The following GRPR variants were observed in gnomAD, a reference collection of about 807,000 sequenced individuals.
GRPR encodes the protein gastrin releasing peptide receptor.
Under a neutral mutation model 15.6 loss-of-function variants are expected in GRPR, and 4 were observed. The ratio of observed to expected loss-of-function variants is 0.26; its 90% CI spans 0.13 to 0.59. The LOEUF (loss-of-function observed/expected upper bound fraction) is 0.59. Among genes scored for constraint, GRPR ranks in the 20% least tolerant of loss-of-function variants. GRPR has a pLI of 0.90. For synonymous variants in GRPR, 128 were observed against 126.8 expected, an observed-to-expected ratio of 1.01 and a Z score of -0.06; for missense variants, 270 against 304.1, an observed-to-expected ratio of 0.89 and a Z score of 0.83.
At chrX:16,147,243 T>C (rs1402998913) in intron 1 of GRPR, among the ~76,000 whole-genome samples, 1 of 112,104 alleles carries the variant, frequency 8.9e-6, no homozygotes, top group East Asian at 2.8e-4. Context: ...CAAGGTCTTT[T>C]AAGAAACACA....
chrX:16,124,665 C>T (rs905311058), intron 1 of GRPR, among the ~76,000 whole-genome samples: 2 of 111,964 alleles, frequency 1.8e-5, no homozygotes, highest in Non-Finnish European at 3.8e-5. Context: ...CCTAACTTCT[C>T]CCTCCTTGCA....
intron 1 of GRPR, among the ~76,000 whole-genome samples, chrX:16,143,722 G>T (rs953455638): frequency 1.8e-5 from 2 of 112,276 alleles, no homozygotes; most frequent in Non-Finnish European, 3.8e-5. Flanking sequence ...AAAGCTTGAG[G>T]CTAAGAATTG....
At position 16,152,822 on chromosome X, in the gene GRPR, C is replaced by A. The variant is rs1462045514; in HGVS notation, c.*177C>A. ...ACCATTATATTTTGAAAGAAGCCAT[C>A]AAGTCTTAAGTTTTTCATTTCAACT... On this transcript the variant is annotated 3_prime_UTR_variant, in exon 3 of 3. Coordinates refer to ENST00000380289, the MANE Select transcript of GRPR (RefSeq NM_005314.3). The A allele has an allele frequency of 2.2e-6, 1 of 461,758 alleles. No individual in the cohort carries two copies. The highest frequency in any genetic ancestry group is 3.4e-5 in the Admixed American group (1 of 29,310). The allele number at this position is 461,758 out of a possible 1,213,427, so 38.1% of individuals were successfully genotyped here.
chrX:16,152,417 C>T lies in GRPR; in HGVS notation c.927C>T (p.Leu309=). The change falls in exon 3 of 3, where the codon CTC becomes CTT. Residue 309 remains leucine, a synonymous_variant. Transcript: ENST00000380289. The part of the protein sequence containing the change: ...LHFVTSICAR[L]LAFTNSCVNP... ...TTGTCACCAGCATCTGTGCCCGCCT[C>T]CTGGCCTTCACCAACTCCTGCGTGA... The T allele has an allele frequency of 8.3e-7, 1 of 1,210,961 alleles. No homozygotes were observed. Among genetic ancestry groups the T allele is most frequent in the East Asian group, 3.0e-5 (1 of 33,842 alleles).
At chrX:16,152,170 T>TTCTCTGCCTGAATCTTTGTC in intron 2 of GRPR, 86 bp from the exon 3 acceptor site, 1 of 858,201 alleles carries the variant, frequency 1.2e-6, no homozygotes, top group Non-Finnish European at 1.7e-6. Flanking sequence ...CCCTTTCTCT[T>TTCTCTGCCTGAATCTTTGTC]TCTCTGCCTG....
intron 1 of GRPR, among the ~76,000 whole-genome samples, chrX:16,135,757 A>G (rs1184943923): frequency 4.4e-5 from 5 of 112,511 alleles, no homozygotes; most frequent in African/African-American, 1.6e-4. Flanking sequence ...AAATCACAGT[A>G]GTTACCCCAT....
In GRPR at chrX:16,152,265, C is replaced by T. The variant is rs369596243; in HGVS notation, c.775C>T (p.Arg259Trp). The change falls in exon 3 of 3, where the codon CGG becomes TGG. Residue 259 changes from arginine (R) to tryptophan (W), a missense_variant. This residue lies in a region of GRPR where 133 missense variants were observed against 123.4 expected (regional missense o/e 1.08). Transcript: ENST00000380289. ...GTGATTCTCTCCTTAGATTGAATCC[C>T]GGAAGCGACTTGCCAAGACAGTGCT... ...NIHVKKQIES[R>W]KRLAKTVLVF... 1.1e-5 allele frequency: 13 copies of T among 1,205,424 alleles called. No individual in the cohort carries two copies. Among genetic ancestry groups the T allele is most frequent in the Admixed American group, 4.4e-5 (2 of 45,671 alleles).
chrX:16,130,029 G>A (rs919489157), intron 1 of GRPR, among the ~76,000 whole-genome samples: 3 of 111,499 alleles, frequency 2.7e-5, no homozygotes, highest in African/African-American at 6.5e-5. Context: ...TCCTTCAAGG[G>A]ATAGTTCAAG....
At chrX:16,125,596 CT>C (rs1380538598) in intron 1 of GRPR, among the ~76,000 whole-genome samples, 1 of 112,234 alleles carries the variant, frequency 8.9e-6, no homozygotes, top group Non-Finnish European at 1.9e-5. Context: ...GGTGATCTGG[CT>C]TTGTTGAGTA....
At chrX:16,148,997 G>C (rs191851691) in intron 1 of GRPR, among the ~76,000 whole-genome samples, 37 of 112,000 alleles carry the variant, frequency 3.3e-4, no homozygotes, top group Non-Finnish European at 6.2e-4. Context: ...GGTGGTTCCT[G>C]CCCAGTGACT....
At position 16,153,446 on chromosome X, in the gene GRPR, C is replaced by T. The variant is rs980546739; in HGVS notation, c.*801C>T. On this transcript the variant is annotated 3_prime_UTR_variant, in exon 3 of 3. Coordinates refer to ENST00000380289, the MANE Select transcript of GRPR (RefSeq NM_005314.3). Reference sequence around the variant, plus strand: ...GTTTTAATCATCCAGGGTGCCATTCCACCATAGAAGAGCAATCCTTTTAGG... The same window carrying T: ...GTTTTAATCATCCAGGGTGCCATTCTACCATAGAAGAGCAATCCTTTTAGG... 1 of 97,324 alleles carries T rather than the reference C, an allele frequency of 1.0e-5. No individual in the cohort carries two copies. Among genetic ancestry groups the T allele is most frequent in the Non-Finnish European group, 2.0e-5 (1 of 48,989 alleles). 8.0% of individuals were successfully genotyped at this position (97,324 alleles called of 1,213,427 possible).
At chrX:16,148,127 T>G (rs938249676) in intron 1 of GRPR, among the ~76,000 whole-genome samples, 3 of 111,839 alleles carry the variant, frequency 2.7e-5, no homozygotes, top group African/African-American at 9.7e-5. Context: ...TCTGGAATTT[T>G]GGGGTTTGGG....
In GRPR at chrX:16,152,326, C is replaced by T; in HGVS notation, c.836C>T (p.Pro279Leu). Residue 279 changes from proline (P) to leucine (L), a missense_variant, in exon 3 of 3, where the codon CCC (proline) becomes CTC (leucine). Physicochemically the swap from Pro to Leu is moderately conservative, Grantham distance 98. Coordinates refer to ENST00000380289, the MANE Select transcript of GRPR (RefSeq NM_005314.3). The part of the protein sequence containing the change: ...FVGLFAFCWL[P>L]NHVIYLYRSY... ...GGCCTGTTCGCCTTCTGCTGGCTCC[C>T]CAATCATGTCATCTACCTGTACCGC... 1.7e-6 allele frequency: 2 copies of T among 1,206,507 alleles called. No individual in the cohort carries two copies. The highest frequency in any genetic ancestry group is 1.8e-5 in the South Asian group (1 of 56,828).
intron 1 of GRPR, among the ~76,000 whole-genome samples, chrX:16,125,835 C>T (rs1469444417): frequency 1.8e-5 from 2 of 111,520 alleles, no homozygotes; most frequent in African/African-American, 6.5e-5. Context: ...TGACCACAGA[C>T]AGTTTCATGT....
rs752349505 is a variant in GRPR at position 16,150,375 on chromosome X, G to A, written c.484G>A (p.Ala162Thr). 2 of 1,208,654 alleles carry A rather than the reference G, an allele frequency of 1.7e-6. No homozygotes were observed. Among genetic ancestry groups the A allele is most frequent in the East Asian group, 3.0e-5 (1 of 33,823 alleles). ...HALMKICLKAAFIWIISMLLA... is the reference protein window; with the variant it reads ...HALMKICLKATFIWIISMLLA... ...CCTGATGAAGATCTGCCTCAAAGCCGCCTTTATCTGGATCATCTCCATGCT... is the reference window on the plus strand; with the variant it reads ...CCTGATGAAGATCTGCCTCAAAGCCACCTTTATCTGGATCATCTCCATGCT... The change falls in exon 2 of 3, where the codon GCC becomes ACC. Residue 162 changes from alanine to threonine, a missense_variant. Around this residue, in one of 3 missense-constraint regions of GRPR, gnomAD observed 115 missense variants for 128.8 expected, o/e 0.89. Coordinates refer to ENST00000380289, the MANE Select transcript of GRPR (RefSeq NM_005314.3).
In GRPR at chrX:16,124,064, G is replaced by A. The variant is rs1246365674; in HGVS notation, c.111G>A (p.Pro37=). 14 of 1,207,002 alleles carry A rather than the reference G, an allele frequency of 1.2e-5. No individual in the cohort carries two copies. Among genetic ancestry groups the A allele is most frequent in the East Asian group, 3.0e-5 (1 of 33,842 alleles). ...DLPVNDDWSH[P]GILYVIPAVY... ...CCGTGAACGATGACTGGTCCCACCC[G>A]GGGATCCTCTATGTCATCCCTGCAG... The change falls in exon 1 of 3, where the codon CCG becomes CCA. Residue 37 remains proline (P), a synonymous_variant. Transcript: ENST00000380289.
chrX:16,149,645 CAAA>C (rs575381418), intron 1 of GRPR, among the ~76,000 whole-genome samples: 26,203 of 61,207 alleles, frequency 0.43, 3,215 homozygotes, highest in Middle Eastern at 0.54. Context: ...AAGGTTTTGC[CAAA>C]AAAAAAAAAA....
In GRPR at chrX:16,131,522, A is replaced by G. The variant is rs1465159901; in HGVS notation, c.413+7156A>G. Among the ~76,000 whole-genome samples, 3 of 111,809 alleles carry G rather than the reference A, an allele frequency of 2.7e-5. No individual in the cohort carries two copies. In the Admixed American group the frequency reaches 2.9e-4, roughly 11 times the overall value. ...ATTTTTTACATTTGTATGAATTTTG[A>G]CAAACATACAGTCACATCACTACCA... On this transcript the variant is annotated intron_variant, in intron 1 of 2. Coordinates refer to ENST00000380289, the MANE Select transcript of GRPR (RefSeq NM_005314.3).
intron 1 of GRPR, among the ~76,000 whole-genome samples, chrX:16,124,857 C>A (rs906416606): frequency 2.7e-5 from 3 of 112,510 alleles, no homozygotes; most frequent in Non-Finnish European, 3.8e-5. Context: ...AATTCATTTT[C>A]CTCAGACAGT....
Sources: gnomAD v4.1 joint callset for allele counts (sites outside exome capture counted in the v4.1 genomes callset) on GRCh38, gnomAD v4.1.1 for gene constraint, gnomAD v4.1.1 regional missense constraint, MANE v1.5 for transcripts, NCBI Gene and HGNC (gene_info 2026-07-23, HGNC 2026-07-21) for gene names.